The following ITFG1 variants were observed in gnomAD, a reference collection of about 807,000 sequenced individuals.
ITFG1 encodes the protein integrin alpha FG-GAP repeat containing 1, also known as T-cell immunomodulatory protein.
A neutral mutation model predicts 81.8 loss-of-function variants in ITFG1; 34 were observed. The observed-to-expected ratio is 0.42, with a 90% CI of 0.32 to 0.55. The LOEUF is 0.55. Among genes scored for constraint, ITFG1 ranks in the 20% least tolerant of loss-of-function variants. The pLI, the probability that ITFG1 is intolerant of heterozygous loss-of-function variation, is 0.17. For synonymous variants in ITFG1, 285 were observed against 270.6 expected (o/e 1.05, Z -0.52); for missense variants, 672 against 755.4 (o/e 0.89, Z 1.29).
intron 6 of ITFG1, among the ~76,000 whole-genome samples, chr16:47,389,780 CAAAAT>C (rs1968508018): frequency 6.6e-6 from 1 of 151,984 alleles, no homozygotes; most frequent in Non-Finnish European, 1.5e-5. Flanking sequence ...AACCACTAAT[CAAAAT>C]AAAAAGTTAA....
At chr16:47,354,465 G>A (rs1968011441) in intron 8 of ITFG1, among the ~76,000 whole-genome samples, 1 of 151,946 alleles carries the variant, frequency 6.6e-6, no homozygotes, top group Non-Finnish European at 1.5e-5. Context: ...AAAATACATG[G>A]GGAAATACTT....
chr16:47,163,541 T>C (rs1964841555), intron 14 of ITFG1, among the ~76,000 whole-genome samples: 1 of 152,248 alleles, frequency 6.6e-6, no homozygotes. Context: ...ATTAATTTCA[T>C]TAATTGATGG....
Position 47,272,956 on chromosome 16 carries a change from T to C in ITFG1, c.1071-12261A>G, listed in dbSNP as rs147461357. ...GGTTTTAATTTATCTTCAAAGGCTATAAAATTGGTGGTGTTACTCAATACA... is the reference window on the plus strand; with the variant it reads ...GGTTTTAATTTATCTTCAAAGGCTACAAAATTGGTGGTGTTACTCAATACA... On this transcript the variant is annotated intron_variant, in intron 10 of 17. Transcript: ENST00000320640. Among the ~76,000 whole-genome samples the C allele has an allele frequency of 2.0e-4, 30 of 149,848 alleles. No homozygotes were observed. In the East Asian group the frequency reaches 5.4e-3, roughly 27 times the overall value.
intron 8 of ITFG1, among the ~76,000 whole-genome samples, chr16:47,350,409 A>G (rs1014362016): frequency 6.6e-6 from 1 of 152,216 alleles, no homozygotes; most frequent in Non-Finnish European, 1.5e-5. Flanking sequence ...AGAAATACAA[A>G]CTACCATCAG....
intron 10 of ITFG1, among the ~76,000 whole-genome samples, chr16:47,272,213 TAGAGACAGAAAGCTAC>T (rs1024945095): frequency 5.9e-5 from 9 of 152,090 alleles, no homozygotes; most frequent in African/African-American, 1.7e-4. Flanking sequence ...GGTCCAATTA[TAGAGACAGAAAGCTAC>T]AGAGACAGAA....
intron 6 of ITFG1, among the ~76,000 whole-genome samples, chr16:47,392,340 G>C (rs952249666): frequency 2.6e-5 from 4 of 152,200 alleles, no homozygotes; most frequent in African/African-American, 9.7e-5. Flanking sequence ...TGGATATCTG[G>C]GGGAAGAGCG....
At chr16:47,323,475 G>T (rs538647635) in intron 8 of ITFG1, among the ~76,000 whole-genome samples, 2 of 150,764 alleles carry the variant, frequency 1.3e-5, no homozygotes, top group Admixed American at 6.6e-5. Flanking sequence ...TATCAGATGT[G>T]GCTATTATCA....
intron 6 of ITFG1, among the ~76,000 whole-genome samples, chr16:47,418,414 A>C (rs927723437): frequency 2.0e-5 from 3 of 151,656 alleles, no homozygotes; most frequent in African/African-American, 7.3e-5. Flanking sequence ...TGTTTTTGAA[A>C]TTTTTTTGTT....
At chr16:47,229,988 ATTG>A (rs1567429956) in intron 13 of ITFG1, among the ~76,000 whole-genome samples, 2 of 152,302 alleles carry the variant, frequency 1.3e-5, no homozygotes, top group East Asian at 3.9e-4. Context: ...ATTATCAGTT[ATTG>A]TTGTTATTAA....
At chr16:47,415,199 T>TCA (rs1451339187) in intron 6 of ITFG1, among the ~76,000 whole-genome samples, 1 of 152,234 alleles carries the variant, frequency 6.6e-6, no homozygotes, top group Non-Finnish European at 1.5e-5. Flanking sequence ...CATTGTTTCC[T>TCA]CAATGCAGAT....
chr16:47,243,576 TGA>T (rs938208900), intron 12 of ITFG1, among the ~76,000 whole-genome samples: 31 of 152,226 alleles, frequency 2.0e-4, no homozygotes, highest in African/African-American at 6.0e-4. Flanking sequence ...AAATATCCAC[TGA>T]GAGATAAAAA....
intron 12 of ITFG1, among the ~76,000 whole-genome samples, chr16:47,256,447 A>G (rs187814612): frequency 1.3e-5 from 2 of 152,314 alleles, no homozygotes; most frequent in East Asian, 3.9e-4. Flanking sequence ...TAGGTTAGCA[A>G]AAGTTTTAAG....
At chr16:47,282,952 G>T (rs181366978) in intron 10 of ITFG1, among the ~76,000 whole-genome samples, 31 of 151,744 alleles carry the variant, frequency 2.0e-4, no homozygotes, top group Non-Finnish European at 8.8e-5. Flanking sequence ...TTCTTGCTGA[G>T]TTGAATTCCT....
chr16:47,405,870 G>A (rs1050200454), intron 6 of ITFG1, among the ~76,000 whole-genome samples: 1 of 152,174 alleles, frequency 6.6e-6, no homozygotes, highest in African/African-American at 2.4e-5. Flanking sequence ...CCTGGATTAA[G>A]TCCTGGTTCT....
intron 14 of ITFG1, among the ~76,000 whole-genome samples, chr16:47,180,763 C>T (rs768411267): frequency 3.9e-5 from 6 of 152,144 alleles, no homozygotes; most frequent in Non-Finnish European, 5.9e-5. Flanking sequence ...CCTGCCTTGG[C>T]GTCCCAAAGT....
At position 47,255,524 on chromosome 16, in the gene ITFG1, T is replaced by C. The variant is rs115547629; in HGVS notation, c.1330+3108A>G. 3.8e-3 allele frequency among the ~76,000 whole-genome samples: 579 copies of C among 152,332 alleles called. 4 individuals carry two copies. The highest frequency in any genetic ancestry group is 5.4e-3 in the Non-Finnish European group (369 of 68,036). On this transcript the variant is annotated intron_variant, in intron 12 of 17. Transcript: ENST00000320640. ...GGAAATCTGACTTTGAATTGGAGTTTCACCTATTTTGGTAGAATGCTTCTT... is the reference window on the plus strand; with the variant it reads ...GGAAATCTGACTTTGAATTGGAGTTCCACCTATTTTGGTAGAATGCTTCTT...
chr16:47,293,135 AAT>A (rs1399210867), intron 10 of ITFG1, among the ~76,000 whole-genome samples: 4 of 147,186 alleles, frequency 2.7e-5, no homozygotes, highest in Admixed American at 6.8e-5. Flanking sequence ...CATGATATAT[AAT>A]ATATATCATA....
intron 17 of ITFG1, among the ~76,000 whole-genome samples, chr16:47,156,038 CTTATCATTTA>C (rs1567408433): frequency 6.6e-6 from 1 of 152,144 alleles, no homozygotes; most frequent in Admixed American, 6.5e-5. Flanking sequence ...TACTTAGCTT[CTTATCATTTA>C]TTATCTACTT....
intron 14 of ITFG1, among the ~76,000 whole-genome samples, chr16:47,195,426 GTC>G (rs1307377070): frequency 6.6e-6 from 1 of 152,064 alleles, no homozygotes; most frequent in Non-Finnish European, 1.5e-5. Flanking sequence ...TGGCATTCCT[GTC>G]TCTCATGTCA....
Sources: gnomAD v4.1 joint callset for allele counts (sites outside exome capture counted in the v4.1 genomes callset) on GRCh38, gnomAD v4.1.1 for gene constraint, MANE v1.5 for transcripts, NCBI Gene and HGNC (gene_info 2026-07-23, HGNC 2026-07-21) for gene names.